The following CCNYL1 variants were observed in gnomAD, a reference collection of about 807,000 sequenced individuals.
CCNYL1 encodes the protein cyclin Y like 1, also known as cyclin-Y-like protein 1.
Under a neutral mutation model 44.2 loss-of-function variants are expected in CCNYL1, and 16 were observed. The observed-to-expected ratio is 0.36, with a 90% CI of 0.25 to 0.55. The LOEUF is 0.55. Among genes scored for constraint, CCNYL1 ranks in the 20% least tolerant of loss-of-function variants. The pLI, the probability that CCNYL1 is intolerant of heterozygous loss-of-function variation, is 0.85. For missense variants in CCNYL1, 348 were observed against 451.8 expected (o/e 0.77, Z 2.08); for synonymous variants, 159 against 163.2 (o/e 0.97, Z 0.20).
In CCNYL1 at chr2:207,712,142, C is replaced by T. The variant is rs769105976; in HGVS notation, c.220+26C>T. 22 of 1,582,056 alleles carry T rather than the reference C, an allele frequency of 1.4e-5. 1 individual carries two copies. The South Asian group carries it at 1.8e-4, about 13-fold the overall frequency. The stretch of plus-strand genomic sequence containing the variant: ...GTAAGGAGGCGGCGGATGCCATCCG[C>T]CCTCGGGCTCACCTCTGCCCGCCTC... On this transcript the variant is annotated intron_variant, in intron 1 of 9. Transcript: ENST00000295414.
At position 207,724,884 on chromosome 2, in the gene CCNYL1, T is replaced by C. The variant is rs372547199; in HGVS notation, c.295+10T>C. ...AAATCTCAAACGGATGGTAAGACAA[T>C]ACTGTTTTTTCCTTCCAAGGAAAAG... On this transcript the variant is annotated intron_variant, in intron 2 of 9. Coordinates refer to ENST00000295414, the MANE Select transcript of CCNYL1 (RefSeq NM_001330218.2). 7 of 1,599,722 alleles carry C rather than the reference T, an allele frequency of 4.4e-6. No individual in the cohort carries two copies. Among genetic ancestry groups the C allele is most frequent in the Non-Finnish European group, 6.0e-6 (7 of 1,170,960 alleles).
chr2:207,728,728 G>A (rs956557950), intron 3 of CCNYL1, among the ~76,000 whole-genome samples: 13 of 152,028 alleles, frequency 8.6e-5, no homozygotes, highest in African/African-American at 1.7e-4. Context: ...ACATGTCTCC[G>A]GAAGCTTTTT....
At chr2:207,725,538 A>G (rs373860454) in intron 2 of CCNYL1, among the ~76,000 whole-genome samples, 2 of 152,330 alleles carry the variant, frequency 1.3e-5, no homozygotes, top group African/African-American at 4.8e-5. Context: ...TCATTTGAAC[A>G]ACAACAAAAA....
In CCNYL1 at chr2:207,752,832, G is replaced by GT. The variant is rs1176640488; in HGVS notation, c.970-753dup. 3.9e-5 allele frequency among the ~76,000 whole-genome samples: 6 copies of GT among 151,956 alleles called. No individual in the cohort carries two copies. The East Asian group carries it at 9.7e-4, about 25-fold the overall frequency. ...CAGGCGGGATCACCTGAGGTCAGGA[G>GT]TTTGAGACCAGCCTGGCCAACATGG... On this transcript the variant is annotated intron_variant, in intron 9 of 9. Coordinates refer to ENST00000295414, the MANE Select transcript of CCNYL1 (RefSeq NM_001330218.2).
chr2:207,752,512 C>T (rs1020566034), intron 9 of CCNYL1, among the ~76,000 whole-genome samples: 11 of 149,054 alleles, frequency 7.4e-5, no homozygotes, highest in African/African-American at 1.0e-4. Context: ...CCAGCCTGGG[C>T]GATAGAGCAA....
intron 9 of CCNYL1, among the ~76,000 whole-genome samples, chr2:207,753,128 G>A (rs1318534026): frequency 1.3e-5 from 2 of 152,178 alleles, no homozygotes; most frequent in South Asian, 2.1e-4. Flanking sequence ...CCGCTCATAT[G>A]TTCCAGTATA....
intron 5 of CCNYL1, 101 bp downstream of exon 5, chr2:207,737,547 T>G: frequency 3.2e-6 from 3 of 944,608 alleles, no homozygotes; most frequent in Non-Finnish European, 4.9e-6. Context: ...AGCTATAGAT[T>G]GCTATTACAG....
At chr2:207,726,977 G>A in intron 3 of CCNYL1, 101 bp downstream of exon 3, 1 of 714,980 alleles carries the variant, frequency 1.4e-6, no homozygotes, top group South Asian at 3.1e-5. Context: ...CTGTTAGTAT[G>A]AGCCTCTTTT....
chr2:207,746,950 G>A (rs1319002752), intron 7 of CCNYL1, 97 bp from the exon 8 acceptor site: 5 of 990,374 alleles, frequency 5.0e-6, no homozygotes, highest in South Asian at 1.7e-5. Flanking sequence ...ACTACAGCCT[G>A]GGCAACAAGA....
chr2:207,723,486 T>C (rs1170792160), intron 1 of CCNYL1, among the ~76,000 whole-genome samples: 3 of 152,184 alleles, frequency 2.0e-5, no homozygotes, highest in Non-Finnish European at 4.4e-5. Flanking sequence ...GTAGAGCAAT[T>C]ATATTAATAT....
At chr2:207,732,594 G>GT (rs5838086) in intron 3 of CCNYL1, among the ~76,000 whole-genome samples, 24,624 of 149,300 alleles carry the variant, frequency 0.16, 3,348 homozygotes, top group East Asian at 0.38. Flanking sequence ...ATCTGAATTA[G>GT]TTTTTTTTTT....
Position 207,753,908 on chromosome 2 carries a change from A to G in CCNYL1, c.*210A>G. ...ACAAAACACTCTTCTGTCCTTTTTA[A>G]TGTAAACAGAGTTACAAAAACCACT... On this transcript the variant is annotated 3_prime_UTR_variant, in exon 10 of 10. Coordinates refer to ENST00000295414, the MANE Select transcript of CCNYL1 (RefSeq NM_001330218.2). 2.2e-6 allele frequency: 1 copy of G among 447,574 alleles called. No homozygotes were observed. Among genetic ancestry groups the G allele is most frequent in the African/African-American group, 2.0e-5 (1 of 49,970 alleles). The allele number at this position is 447,574 out of a possible 1,614,324, so 27.7% of individuals were successfully genotyped here.
intron 5 of CCNYL1, among the ~76,000 whole-genome samples, chr2:207,739,376 G>A (rs2091790559): frequency 2.0e-5 from 3 of 152,154 alleles, no homozygotes; most frequent in Admixed American, 1.3e-4. Flanking sequence ...GGGACTGCGG[G>A]CGCCTGTCAC....
chr2:207,712,060 T>G lies in CCNYL1; in HGVS notation c.164T>G (p.Phe55Cys). The G allele has an allele frequency of 6.4e-7, 1 of 1,561,228 alleles. No individual in the cohort carries two copies. ...GTGGTGGAGCCTGCCGAGTTGGATT[T>G]CGGAGAGGGCGAGGGCCACCACCTG... ...PAVVEPAELDFGEGEGHHLQH... is the reference protein window; with the variant it reads ...PAVVEPAELDCGEGEGHHLQH... Residue 55 changes from phenylalanine to cysteine, a missense_variant, in exon 1 of 10, where the codon TTC (phenylalanine) becomes TGC (cysteine). By Grantham distance (205) the Phe-to-Cys change is radical. Transcript: ENST00000295414.
chr2:207,730,005 G>A (rs887706476), intron 3 of CCNYL1, among the ~76,000 whole-genome samples: 4 of 152,066 alleles, frequency 2.6e-5, no homozygotes, highest in African/African-American at 7.2e-5. Flanking sequence ...GAGTCACTGT[G>A]CCCTGCTGGA....
At chr2:207,733,881 G>A in intron 3 of CCNYL1, 66 bp from the exon 4 acceptor site, 1 of 1,028,380 alleles carries the variant, frequency 9.7e-7, no homozygotes, top group Non-Finnish European at 1.5e-6. Context: ...TTTTAACCAA[G>A]GAAAAACCAC....
In CCNYL1 at chr2:207,754,706, C is replaced by T; in HGVS notation, c.*1008C>T. On this transcript the variant is annotated 3_prime_UTR_variant, in exon 10 of 10. Coordinates refer to ENST00000295414, the MANE Select transcript of CCNYL1 (RefSeq NM_001330218.2). ...GCTTTTCACAGGTGCAATCATTGTG[C>T]ACTCACTGCAGCCTAGAACTTCCTG... is the stretch of plus-strand genomic sequence containing the variant. 1 of 153,940 alleles carries T rather than the reference C, an allele frequency of 6.5e-6. No individual in the cohort carries two copies. The highest frequency in any genetic ancestry group is 6.5e-4 in the Middle Eastern group (1 of 1,538). 9.5% of individuals were successfully genotyped at this position (153,940 alleles called of 1,614,324 possible).
chr2:207,728,400 C>G (rs1388418397), intron 3 of CCNYL1, among the ~76,000 whole-genome samples: 2 of 152,046 alleles, frequency 1.3e-5, no homozygotes, highest in Non-Finnish European at 2.9e-5. Context: ...CTCAGCCTTC[C>G]GAGTAACTGG....
chr2:207,723,661 G>C (rs746885752), intron 1 of CCNYL1, among the ~76,000 whole-genome samples: 8 of 151,766 alleles, frequency 5.3e-5, no homozygotes, highest in South Asian at 2.1e-4. Flanking sequence ...GGATCACCTG[G>C]GGTCAGGAGT....
Sources: allele counts gnomAD v4.1 joint callset (sites outside exome capture counted in the v4.1 genomes callset), GRCh38; gene constraint gnomAD v4.1.1; transcripts MANE v1.5; gene names NCBI Gene and HGNC (gene_info 2026-07-23, HGNC 2026-07-21).